Variants in ERFE observed in about 807,000 individuals in gnomAD.
The protein encoded by ERFE is erythroferrone.
Under a neutral mutation model 26.6 loss-of-function variants are expected in ERFE, and 25 were observed. The observed-to-expected ratio is 0.94, with a 90% CI of 0.69 to 1.31. ERFE has a LOEUF of 1.31. Ranked by LOEUF, ERFE falls within the 40% of genes most tolerant of loss-of-function variation. The probability of loss-of-function intolerance (pLI) is 0.00; values close to 1 mark genes in which losing one functional copy is unlikely to be tolerated. For synonymous variants in ERFE, 206 were observed against 204.5 expected (o/e 1.01, Z -0.06); for missense variants, 447 against 440.2 (o/e 1.02, Z -0.14).
chr2:238,163,832 G>A lies in ERFE; in HGVS notation c.520G>A (p.Ala174Thr), dbSNP rs907922613. 1.5e-6 allele frequency: 2 copies of A among 1,322,384 alleles called. No individual in the cohort carries two copies. The highest frequency in any genetic ancestry group is 1.9e-6 in the Non-Finnish European group (2 of 1,043,016). 81.9% of individuals were successfully genotyped at this position (1,322,384 alleles called of 1,614,324 possible). Residue 174 changes from alanine (A) to threonine (T), a missense_variant, in exon 4 of 8, where the codon GCC (alanine) becomes ACC (threonine). Coordinates refer to ENST00000546354, the MANE Select transcript of ERFE (RefSeq NM_001291832.2). ...AASLAPVSAT[A>T]GEDDDDVVGD... Reference sequence around the variant, plus strand: ...GAGCCTCGCCCCGGTCTCGGCCACCGCCGGGGAGGACGACGACGACGTGGT... The same window carrying A: ...GAGCCTCGCCCCGGTCTCGGCCACCACCGGGGAGGACGACGACGACGTGGT...
chr2:238,164,661 T>C (rs1410728423), intron 6 of ERFE: 3 of 385,100 alleles, frequency 7.8e-6, no homozygotes, highest in South Asian at 5.8e-5. Context: ...GAGACCATCC[T>C]GGCTAACATG....
At position 238,162,764 on chromosome 2, in the gene ERFE, C is replaced by T. The variant is rs762560156; in HGVS notation, c.350C>T (p.Pro117Leu). 1.3e-4 allele frequency: 207 copies of T among 1,549,870 alleles called. No homozygotes were observed. The highest frequency in any genetic ancestry group is 1.7e-4 in the Non-Finnish European group (195 of 1,146,498). Residue 117 changes from proline (P) to leucine (L), a missense_variant, in exon 3 of 8, where the codon CCC (proline) becomes CTC (leucine). Coordinates refer to ENST00000546354, the MANE Select transcript of ERFE (RefSeq NM_001291832.2). ...KFGLPGPPGP[P>L]GPQGPPGPII... ...GGCTTGCCAGGGCCCCCTGGGCCTCCCGGTCCCCAGGGCCCCCCAGGCCCC... is the reference window on the plus strand; with the variant it reads ...GGCTTGCCAGGGCCCCCTGGGCCTCTCGGTCCCCAGGGCCCCCCAGGCCCC...
chr2:238,167,814 A>G lies in ERFE; in HGVS notation c.*760A>G. On this transcript the variant is annotated 3_prime_UTR_variant, in exon 8 of 8. Coordinates refer to ENST00000546354, the MANE Select transcript of ERFE (RefSeq NM_001291832.2). ...CCCTCCTCTGCAAATCTTCACAGCCAAGGCCCCTTCCACCCTCTCCAGAGG... is the reference window on the plus strand; with the variant it reads ...CCCTCCTCTGCAAATCTTCACAGCCGAGGCCCCTTCCACCCTCTCCAGAGG... 1.2e-5 allele frequency: 3 copies of G among 260,002 alleles called. No individual in the cohort carries two copies. The highest frequency in any genetic ancestry group is 2.3e-5 in the Non-Finnish European group (3 of 131,188). 16.1% of individuals were successfully genotyped at this position (260,002 alleles called of 1,614,324 possible).
At chr2:238,166,896 T>A in intron 7 of ERFE, 60 bp from the exon 8 acceptor site, 1 of 1,417,812 alleles carries the variant, frequency 7.1e-7, no homozygotes. Context: ...TGGCTGGCCC[T>A]TGGGTCACCT....
At chr2:238,165,235 GATCA>G (rs1693015911) in intron 6 of ERFE, among the ~76,000 whole-genome samples, 1 of 152,244 alleles carries the variant, frequency 6.6e-6, no homozygotes, top group African/African-American at 2.4e-5. Context: ...TGAATGAATG[GATCA>G]AGTCCAAAAC....
At chr2:238,165,938 C>T (rs1049117649) in intron 7 of ERFE, among the ~76,000 whole-genome samples, 7 of 152,202 alleles carry the variant, frequency 4.6e-5, no homozygotes, top group East Asian at 1.9e-4. Context: ...GCAGCTGCTC[C>T]GCTCTGCATT....
At chr2:238,159,383 C>G (rs937934964) in intron 1 of ERFE, among the ~76,000 whole-genome samples, 178 bp downstream of exon 1, 1 of 152,012 alleles carries the variant, frequency 6.6e-6, no homozygotes, top group African/African-American at 2.4e-5. Context: ...GCCCTCAGCC[C>G]GGCGGGGCAG....
Position 238,162,877 on chromosome 2 carries a change from G to C in ERFE, c.424+39G>C, listed in dbSNP as rs1056463440. ...CCGGCTGGGACACACACACCCCGCT[G>C]TGAGCAGGGCCTGGGAGGGTGTCCC... On this transcript the variant is annotated intron_variant, in intron 3 of 7. Transcript: ENST00000546354. The C allele has an allele frequency of 8.1e-6, 12 of 1,484,000 alleles. No individual in the cohort carries two copies. The Admixed American group carries it at 2.4e-4, about 30-fold the overall frequency. 91.9% of individuals were successfully genotyped at this position (1,484,000 alleles called of 1,614,324 possible). A position where few individuals can be genotyped will look rare whatever the true frequency, so the allele number is the denominator to read the frequency against.
At position 238,167,092 on chromosome 2, in the gene ERFE, A is replaced by T; in HGVS notation, c.*38A>T. On this transcript the variant is annotated 3_prime_UTR_variant, in exon 8 of 8. Transcript: ENST00000546354. ...GGCCCTTCCTCTCAGGGGCAAATGG[A>T]GCACAGATCTAGACAATGTGTGGAC... 6.5e-7 allele frequency: 1 copy of T among 1,529,260 alleles called. No individual in the cohort carries two copies. The highest frequency in any genetic ancestry group is 8.9e-7 in the Non-Finnish European group (1 of 1,129,384). 94.7% of individuals were successfully genotyped at this position (1,529,260 alleles called of 1,614,324 possible).
At position 238,161,596 on chromosome 2, in the gene ERFE, GC is replaced by G; in HGVS notation, c.204del (p.Thr69ProfsTer38). Reference protein sequence around the residue: ...RAGPAARPPEPTAERAHSVDP... With the variant: ...RAGPAARPPEXTAERAHSVDP... Reference sequence around the variant, plus strand: ...CTGCTGGGCTGGCTGTGTTCCAGGAGCCCACCGCTGAGCGTGCACACAGCGT... The same window carrying G: ...CTGCTGGGCTGGCTGTGTTCCAGGAGCCACCGCTGAGCGTGCACACAGCGT... On this transcript the variant is annotated frameshift_variant, in exon 2 of 8. Coordinates refer to ENST00000546354, the MANE Select transcript of ERFE (RefSeq NM_001291832.2). LOFTEE classifies it high-confidence loss of function. 1 of 1,527,356 alleles carries G rather than the reference GC, an allele frequency of 6.5e-7. No individual in the cohort carries two copies. The highest frequency in any genetic ancestry group is 8.9e-7 in the Non-Finnish European group (1 of 1,128,796). The allele number at this position is 1,527,356 out of a possible 1,614,324, so 94.6% of individuals were successfully genotyped here.
intron 1 of ERFE, among the ~76,000 whole-genome samples, chr2:238,160,722 G>A (rs936612219): frequency 4.6e-5 from 7 of 152,162 alleles, no homozygotes; most frequent in African/African-American, 9.7e-5. Context: ...CTTGGCAGCC[G>A]GCTTTGTCTC....
rs1048376941 is a variant in ERFE at position 238,163,994 on chromosome 2, T to C, written c.682T>C (p.Tyr228His). ...CGCGCTGCACGAGCTTGGCGTCTAC[T>C]ACCTGGTGAGTGCCGGCGCGCGGGA... is the stretch of plus-strand genomic sequence containing the variant. ...RRALHELGVY[Y>H]LPDAEGAFRR... The change falls in exon 4 of 8, where the codon TAC (tyrosine) becomes CAC (histidine). Residue 228 changes from tyrosine (Y) to histidine (H), a missense_variant. Transcript: ENST00000546354. The C allele has an allele frequency of 1.7e-5, 24 of 1,386,220 alleles. No homozygotes were observed. The highest frequency in any genetic ancestry group is 7.1e-5 in the Admixed American group (2 of 28,244). 85.9% of individuals were successfully genotyped at this position (1,386,220 alleles called of 1,614,324 possible).
intron 7 of ERFE, among the ~76,000 whole-genome samples, 162 bp from the exon 8 acceptor site, chr2:238,166,794 G>A (rs554778320): frequency 7.2e-5 from 11 of 152,372 alleles, no homozygotes; most frequent in African/African-American, 2.6e-4. Context: ...CAACCCGTGC[G>A]GGCCCTTGCT....
At chr2:238,166,358 G>C (rs547825791) in intron 7 of ERFE, among the ~76,000 whole-genome samples, 3 of 152,360 alleles carry the variant, frequency 2.0e-5, no homozygotes, top group Admixed American at 6.5e-5. Flanking sequence ...TGTGCTTGCT[G>C]AAAGGCATTT....
chr2:238,159,392 A>T (rs991089706), intron 1 of ERFE, among the ~76,000 whole-genome samples, 187 bp downstream of exon 1: 7 of 152,246 alleles, frequency 4.6e-5, no homozygotes, highest in African/African-American at 1.4e-4. Context: ...CCGGCGGGGC[A>T]GCCTTGACTT....
At chr2:238,160,938 G>T (rs949417786) in intron 1 of ERFE, among the ~76,000 whole-genome samples, 3 of 152,174 alleles carry the variant, frequency 2.0e-5, no homozygotes, top group African/African-American at 4.8e-5. Context: ...GATGCAGCGC[G>T]GACAGGAATG....
Position 238,162,752 on chromosome 2 carries a change from C to T in ERFE, c.338C>T (p.Pro113Leu). 6.5e-7 allele frequency: 1 copy of T among 1,548,802 alleles called. No individual in the cohort carries two copies. The highest frequency in any genetic ancestry group is 8.7e-7 in the Non-Finnish European group (1 of 1,145,412). The change falls in exon 3 of 8, where the codon CCC (proline) becomes CTC (leucine). Residue 113 changes from proline (P) to leucine (L), a missense_variant. Transcript: ENST00000546354. ...AKKLKFGLPG[P>L]PGPPGPQGPP... is the part of the protein sequence containing the mutation. Reference sequence around the variant, plus strand: ...CCCTTTCAGTTCGGCTTGCCAGGGCCCCCTGGGCCTCCCGGTCCCCAGGGC... The same window carrying T: ...CCCTTTCAGTTCGGCTTGCCAGGGCTCCCTGGGCCTCCCGGTCCCCAGGGC...
chr2:238,167,375 C>G lies in ERFE; in HGVS notation c.*321C>G. The G allele has an allele frequency of 3.3e-6, 2 of 609,892 alleles. No individual in the cohort carries two copies. Among genetic ancestry groups the G allele is most frequent in the Non-Finnish European group, 6.1e-6 (2 of 325,904 alleles). The allele number at this position is 609,892 out of a possible 1,614,324, so 37.8% of individuals were successfully genotyped here. ...CTTTCCTGGCCTGCTCAGCACCTGC[C>G]CAGATGGCCTCTGCGTCTTTCCTGT... On this transcript the variant is annotated 3_prime_UTR_variant, in exon 8 of 8. Coordinates refer to ENST00000546354, the MANE Select transcript of ERFE (RefSeq NM_001291832.2).
rs1415109754 is a variant in ERFE, at chr2:238,164,636, C to T, written c.887+276C>T. 2.9e-5 allele frequency: 13 copies of T among 448,082 alleles called. 2 individuals carry two copies. The South Asian group carries it at 3.0e-4, about 10-fold the overall frequency. 27.8% of individuals were successfully genotyped at this position (448,082 alleles called of 1,614,324 possible). ...TTGGGAGGCCGAGGCGGGCGGATCA[C>T]GAGGTCAGGAGATCGAGACCATCCT... On this transcript the variant is annotated intron_variant, in intron 6 of 7. Transcript: ENST00000546354.
Sources: allele counts gnomAD v4.1 joint callset (sites outside exome capture counted in the v4.1 genomes callset), GRCh38; gene constraint gnomAD v4.1.1; transcripts MANE v1.5; gene names NCBI Gene and HGNC (gene_info 2026-07-23, HGNC 2026-07-21).